The following PHLPP1 variants were observed in gnomAD, a reference collection of about 807,000 sequenced individuals.
PHLPP1 encodes the protein PH domain and leucine rich repeat protein phosphatase 1.
PHLPP1 carries 42 observed loss-of-function variants against 117.2 expected under a neutral mutation model. The observed-to-expected ratio is 0.36, with a 90% CI of 0.28 to 0.46. PHLPP1 has a LOEUF of 0.46. PHLPP1 is among the 20% of genes least tolerant of loss of function. PHLPP1 has a pLI of 1.00. For synonymous variants in PHLPP1, 1,042 were observed against 970.7 expected, an observed-to-expected ratio of 1.07 and a Z score of -1.37; for missense variants, 2,084 against 2,241.9, an observed-to-expected ratio of 0.93 and a Z score of 1.42.
At chr18:62,829,910 TA>T (rs1914710046) in intron 1 of PHLPP1, 124 bp from the exon 2 acceptor site, 1 of 610,550 alleles carries the variant, frequency 1.6e-6, no homozygotes. Context: ...AATTATAAAT[TA>T]GATTGAATTT....
intron 1 of PHLPP1, among the ~76,000 whole-genome samples, chr18:62,805,424 T>C (rs139353206): frequency 5.9e-5 from 9 of 152,124 alleles, no homozygotes; most frequent in East Asian, 1.9e-4. Context: ...GGTATAATCA[T>C]AGAGGTCACT....
intron 3 of PHLPP1, among the ~76,000 whole-genome samples, chr18:62,844,627 A>C (rs1195793229): frequency 1.3e-5 from 2 of 152,156 alleles, no homozygotes; most frequent in Non-Finnish European, 2.9e-5. Context: ...CTATTTTCAC[A>C]TGTGTGTATA....
intron 10 of PHLPP1, among the ~76,000 whole-genome samples, chr18:62,927,541 T>C (rs1353995926): frequency 6.6e-6 from 1 of 152,022 alleles, no homozygotes; most frequent in African/African-American, 2.4e-5. Context: ...AAAGAAGTGA[T>C]TGAACTCAGA....
Position 62,939,552 on chromosome 18 carries a change from G to T in PHLPP1, c.2961-2166G>T, listed in dbSNP as rs188209700. ...TTCAAAACCATTTCAGAAACTGCAG[G>T]AGTGACCTTTATTTCCTTCTCTGTA... On this transcript the variant is annotated intron_variant, in intron 10 of 16. Transcript: ENST00000262719. 8.6e-5 allele frequency among the ~76,000 whole-genome samples: 13 copies of T among 151,714 alleles called. No individual in the cohort carries two copies. The East Asian group carries it at 2.5e-3, about 29-fold the overall frequency.
At chr18:62,739,165 G>A (rs555866751) in intron 1 of PHLPP1, among the ~76,000 whole-genome samples, 5 of 152,324 alleles carry the variant, frequency 3.3e-5, no homozygotes, top group African/African-American at 1.2e-4. Context: ...TAGACAGATA[G>A]TAGTTTTGAA....
chr18:62,827,962 G>A (rs1401667982), intron 1 of PHLPP1, among the ~76,000 whole-genome samples: 3 of 151,640 alleles, frequency 2.0e-5, no homozygotes, highest in African/African-American at 7.3e-5. Flanking sequence ...AAGTATTCTT[G>A]AAGCCACTCT....
At chr18:62,750,717 GTTT>G (rs71160866) in intron 1 of PHLPP1, among the ~76,000 whole-genome samples, 1 of 135,062 alleles carries the variant, frequency 7.4e-6, no homozygotes, top group Non-Finnish European at 1.6e-5. Flanking sequence ...TTTCCTAGTT[GTTT>G]TTTTTTTTTT....
chr18:62,718,241 ATAAAG>A (rs1910819690), intron 1 of PHLPP1, among the ~76,000 whole-genome samples: 1 of 152,258 alleles, frequency 6.6e-6, no homozygotes, highest in Non-Finnish European at 1.5e-5. Context: ...TTTATTTAAA[ATAAAG>A]TTCTCATAGC....
At chr18:62,931,851 C>T (rs915981400) in intron 10 of PHLPP1, among the ~76,000 whole-genome samples, 19 of 136,318 alleles carry the variant, frequency 1.4e-4, no homozygotes, top group East Asian at 4.6e-4. Flanking sequence ...GCCGAGATGG[C>T]GCCACTGCAC....
At chr18:62,924,277 C>CTTTTTTATA (rs1339468548) in intron 10 of PHLPP1, among the ~76,000 whole-genome samples, 1 of 151,980 alleles carries the variant, frequency 6.6e-6, no homozygotes, top group Non-Finnish European at 1.5e-5. Flanking sequence ...ATGGAAATTC[C>CTTTTTTATA]TTTTTTATAT....
intron 10 of PHLPP1, among the ~76,000 whole-genome samples, chr18:62,936,128 CA>C (rs1295458213): frequency 6.6e-6 from 1 of 151,916 alleles, no homozygotes; most frequent in Non-Finnish European, 1.5e-5. Context: ...AAGATGAGCC[CA>C]AAAGTAAAGA....
chr18:62,776,236 A>G (rs117829428), intron 1 of PHLPP1, among the ~76,000 whole-genome samples: 3 of 152,312 alleles, frequency 2.0e-5, no homozygotes, highest in Non-Finnish European at 4.4e-5. Context: ...GGAAACTCAG[A>G]CAGGAATTGA....
At chr18:62,857,174 A>G (rs1453771893) in intron 3 of PHLPP1, among the ~76,000 whole-genome samples, 1 of 152,238 alleles carries the variant, frequency 6.6e-6, no homozygotes. Context: ...GCTGTAACAT[A>G]TTAGCAAACC....
intron 6 of PHLPP1, among the ~76,000 whole-genome samples, chr18:62,897,074 C>A (rs1916581449): frequency 6.6e-6 from 1 of 152,132 alleles, no homozygotes. Context: ...ATTTAGAAAA[C>A]CCTCATATTC....
intron 3 of PHLPP1, among the ~76,000 whole-genome samples, chr18:62,847,561 A>C (rs1277059615): frequency 6.6e-6 from 1 of 152,218 alleles, no homozygotes; most frequent in African/African-American, 2.4e-5. Context: ...CTGCATTTTA[A>C]AGTTGTAAAA....
At chr18:62,830,527 C>A (rs934276142) in intron 2 of PHLPP1, among the ~76,000 whole-genome samples, 22 of 152,094 alleles carry the variant, frequency 1.4e-4, no homozygotes, top group African/African-American at 3.4e-4. Flanking sequence ...CCATGCCAGG[C>A]CGAAAAGTAA....
At chr18:62,907,629 A>G (rs1916888544) in intron 8 of PHLPP1, among the ~76,000 whole-genome samples, 3 of 116,624 alleles carry the variant, frequency 2.6e-5, no homozygotes, top group Non-Finnish European at 3.6e-5. Flanking sequence ...CAAAGCCTCC[A>G]AGAAATATGG....
At chr18:62,753,762 T>A (rs978262733) in intron 1 of PHLPP1, among the ~76,000 whole-genome samples, 1 of 152,258 alleles carries the variant, frequency 6.6e-6, no homozygotes, top group Admixed American at 6.5e-5. Context: ...AATAAAAGTA[T>A]AATTTCCCTA....
intron 8 of PHLPP1, among the ~76,000 whole-genome samples, chr18:62,912,328 A>G (rs1369830262): frequency 7.0e-6 from 1 of 142,558 alleles, no homozygotes; most frequent in East Asian, 2.0e-4. Flanking sequence ...AAAAAAAAAT[A>G]ATAAAAAACC....
Sources: allele counts gnomAD v4.1 joint callset (sites outside exome capture counted in the v4.1 genomes callset), GRCh38; gene constraint gnomAD v4.1.1; transcripts MANE v1.5; gene names NCBI Gene and HGNC (gene_info 2026-07-23, HGNC 2026-07-21).